The following SMARCB1 variants were observed in gnomAD, a reference collection of about 807,000 sequenced individuals.
The protein encoded by SMARCB1 is SWI/SNF-related matrix-associated actin-dependent regulator of chromatin subfamily B member 1.
A neutral mutation model predicts 49.0 loss-of-function variants in SMARCB1; 5 were observed. The observed-to-expected ratio is 0.10, with a 90% CI of 0.05 to 0.21. The LOEUF (loss-of-function observed/expected upper bound fraction) is 0.21, where lower values mean the gene tolerates loss of function less well. Ranked by LOEUF, SMARCB1 falls within the 10% of genes least tolerant of loss-of-function variation. The pLI is 1.00. For missense variants in SMARCB1, 226 were observed against 509.2 expected (o/e 0.44, Z 5.35); for synonymous variants, 201 against 200.1 (o/e 1.00, Z -0.04).
rs149451748 is a variant in SMARCB1, at chr22:23,833,617, C to T, written c.1032C>T (p.Gly344=). The T allele has an allele frequency of 9.7e-5, 157 of 1,614,094 alleles. No homozygotes were observed. The highest frequency in any genetic ancestry group is 3.3e-4 in the Middle Eastern group (2 of 6,084). The change falls in exon 8 of 9, where the codon GGC becomes GGT. Residue 344 remains glycine, a synonymous_variant. Coordinates refer to ENST00000644036, the MANE Select transcript of SMARCB1 (RefSeq NM_003073.5). ...PTVEIAIRNT[G]DADQWCPLLE... ...TGGAGATTGCCATCCGGAACACGGG[C>T]GATGCGGACCAGTGGTGCCCACTGC... is the stretch of plus-strand genomic sequence containing the variant.
intron 7 of SMARCB1, among the ~76,000 whole-genome samples, chr22:23,828,096 A>G (rs1258279613): frequency 6.6e-6 from 1 of 152,156 alleles, no homozygotes; most frequent in Non-Finnish European, 1.5e-5. Flanking sequence ...TCTGTCGCCC[A>G]GGCTGGAGTG....
intron 7 of SMARCB1, among the ~76,000 whole-genome samples, chr22:23,828,185 T>G (rs937990025): frequency 3.9e-5 from 6 of 152,170 alleles, no homozygotes; most frequent in Non-Finnish European, 7.3e-5. Flanking sequence ...CCTGAGTAGA[T>G]GGGACTACAG....
In SMARCB1 at chr22:23,837,116, C is replaced by G; in HGVS notation, c.*2936C>G. 4 of 1,613,998 alleles carry G rather than the reference C, an allele frequency of 2.5e-6. No individual in the cohort carries two copies. Among genetic ancestry groups the G allele is most frequent in the Non-Finnish European group, 2.5e-6 (3 of 1,179,934 alleles). ...TTGCCTCCAGGCTGGTTGGGGAAGA[C>G]GTCCTCCAGGAAGTAGTAGATATGG... is the stretch of plus-strand genomic sequence containing the variant. On this transcript the variant is annotated 3_prime_UTR_variant, in exon 9 of 9. Coordinates refer to ENST00000644036, the MANE Select transcript of SMARCB1 (RefSeq NM_003073.5).
At chr22:23,801,300 C>G (rs1247826416) in intron 4 of SMARCB1, 3 of 748,452 alleles carry the variant, frequency 4.0e-6, no homozygotes, top group Non-Finnish European at 7.0e-6. Flanking sequence ...CCATGTCCTC[C>G]TCACCTCTCT....
intron 5 of SMARCB1, chr22:23,815,902 G>C (rs1354924678): frequency 6.6e-6 from 1 of 152,434 alleles, no homozygotes; most frequent in African/African-American, 2.4e-5. Flanking sequence ...AATGCTCTGG[G>C]CAGTGTATTC....
At chr22:23,805,176 A>G (rs73881829) in intron 5 of SMARCB1, among the ~76,000 whole-genome samples, 1,936 of 152,276 alleles carry the variant, frequency 0.013, 51 homozygotes, top group African/African-American at 0.045. Flanking sequence ...CCTGAGAGCC[A>G]TGTGCCGGGT....
At chr22:23,805,137 A>G (rs1929416228) in intron 5 of SMARCB1, among the ~76,000 whole-genome samples, 1 of 152,136 alleles carries the variant, frequency 6.6e-6, no homozygotes, top group African/African-American at 2.4e-5. Flanking sequence ...CCTGAGTCCG[A>G]AGGCCTCTGC....
chr22:23,818,263 C>G (rs930315818), intron 6 of SMARCB1: 3 of 152,152 alleles, frequency 2.0e-5, no homozygotes, highest in African/African-American at 7.2e-5. Context: ...CACCATTCTC[C>G]TACCTCAGCC....
chr22:23,809,464 A>AT (rs1354317003), intron 5 of SMARCB1, among the ~76,000 whole-genome samples: 1 of 151,448 alleles, frequency 6.6e-6, no homozygotes, highest in Non-Finnish European at 1.5e-5. Flanking sequence ...TTTAGTAGAG[A>AT]GGGGTTTCTC....
rs570738315 is a variant in SMARCB1, at chr22:23,817,277, C to T, written c.795+341C>T. 5 of 424,396 alleles carry T rather than the reference C, an allele frequency of 1.2e-5. No individual in the cohort carries two copies. In the Admixed American group the frequency reaches 1.8e-4, roughly 15 times the overall value. The allele number at this position is 424,396 out of a possible 1,614,324, so 26.3% of individuals were successfully genotyped here. On this transcript the variant is annotated intron_variant, in intron 6 of 8. Coordinates refer to ENST00000644036, the MANE Select transcript of SMARCB1 (RefSeq NM_003073.5). ...GCCTAGTAACCCAATAAGATGCTGC[C>T]TTAGTGGCCATATTACAGGTGAAGA...
intron 3 of SMARCB1, among the ~76,000 whole-genome samples, chr22:23,799,919 C>T (rs1469688154): frequency 3.3e-5 from 5 of 151,856 alleles, no homozygotes; most frequent in African/African-American, 4.8e-5. Flanking sequence ...CTCCTGACCT[C>T]GTGATCTGCC....
chr22:23,803,199 G>T, intron 4 of SMARCB1, 96 bp from the exon 5 acceptor site: 1 of 1,550,160 alleles, frequency 6.5e-7, no homozygotes. Context: ...CCCCAGATGG[G>T]TTTGCAGAAG....
At chr22:23,834,060 C>T (rs2030825731) in intron 8 of SMARCB1, 81 bp from the exon 9 acceptor site, 9 of 1,459,746 alleles carry the variant, frequency 6.2e-6, no homozygotes, top group South Asian at 4.9e-5. Flanking sequence ...CTACACTTGG[C>T]TGCCCTGTAG....
intron 1 of SMARCB1, among the ~76,000 whole-genome samples, chr22:23,791,295 A>G (rs1928358204): frequency 6.6e-6 from 1 of 152,210 alleles, no homozygotes; most frequent in Non-Finnish European, 1.5e-5. Flanking sequence ...GGGTTTTGTT[A>G]CTAAACAAAG....
At chr22:23,828,675 C>T (rs1389691955) in intron 7 of SMARCB1, among the ~76,000 whole-genome samples, 3 of 152,134 alleles carry the variant, frequency 2.0e-5, no homozygotes, top group Non-Finnish European at 4.4e-5. Flanking sequence ...CAGCTCTGGA[C>T]CTAGGTCACT....
At chr22:23,833,092 G>A (rs149610423) in intron 7 of SMARCB1, among the ~76,000 whole-genome samples, 59 of 152,278 alleles carry the variant, frequency 3.9e-4, no homozygotes, top group Middle Eastern at 3.4e-3. Flanking sequence ...CCTCAGTAGT[G>A]GGGGGCTGGG....
chr22:23,810,252 C>A (rs1929782699), intron 5 of SMARCB1, among the ~76,000 whole-genome samples: 1 of 151,198 alleles, frequency 6.6e-6, no homozygotes, highest in African/African-American at 2.4e-5. Flanking sequence ...TGATTGCCGG[C>A]ATGGTGGCTC....
chr22:23,812,900 T>A (rs2146000915), intron 5 of SMARCB1, among the ~76,000 whole-genome samples: 2 of 149,892 alleles, frequency 1.3e-5, no homozygotes, highest in South Asian at 4.2e-4. Flanking sequence ...AGTATTGCTC[T>A]GTTGTCTAGG....
intron 1 of SMARCB1, 54 bp from the exon 2 acceptor site, chr22:23,791,702 C>G: frequency 6.3e-7 from 1 of 1,589,026 alleles, no homozygotes; most frequent in Non-Finnish European, 8.6e-7. Flanking sequence ...CAGGACCCTC[C>G]CCTTCCCTGT....
Sources: allele counts gnomAD v4.1 joint callset (sites outside exome capture counted in the v4.1 genomes callset), GRCh38; gene constraint gnomAD v4.1.1; transcripts MANE v1.5; gene names NCBI Gene and HGNC (gene_info 2026-07-23, HGNC 2026-07-21).